The following RTL4 variants were observed in gnomAD, a reference collection of about 807,000 sequenced individuals.
The protein encoded by RTL4 is retrotransposon Gag-like protein 4.
Under a neutral mutation model 5.3 loss-of-function variants are expected in RTL4, and 4 were observed. The observed-to-expected ratio is 0.75, with a 90% CI of 0.37 to 1.72. The LOEUF (loss-of-function observed/expected upper bound fraction) is 1.72, where lower values mean the gene tolerates loss of function less well. RTL4 is among the 40% of genes most tolerant of loss of function. The pLI is 0.04. For synonymous variants in RTL4, 98 were observed against 87.3 expected (o/e 1.12, Z -0.68); for missense variants, 260 against 227.1 (o/e 1.14, Z -0.93).
chrX:112,416,298 AAC>A, the RTL4 span, among the ~76,000 whole-genome samples: 1 of 112,115 alleles, frequency 8.9e-6, no homozygotes, highest in Non-Finnish European at 1.9e-5. Context: ...AGTTTACATT[AAC>A]AGTTACCAGG....
chrX:112,251,385 C>T, the RTL4 span, among the ~76,000 whole-genome samples: 1 of 111,421 alleles, frequency 9.0e-6, no homozygotes, highest in East Asian at 2.8e-4. Context: ...TCATCCTTTC[C>T]TCAGTGGTCA....
the RTL4 span, among the ~76,000 whole-genome samples, chrX:112,242,290 A>G: frequency 9.0e-6 from 1 of 111,676 alleles, no homozygotes. Context: ...CTTGGGCAGT[A>G]TGGCCATTTT....
the RTL4 span, among the ~76,000 whole-genome samples, chrX:112,106,673 A>C: frequency 1.8e-5 from 2 of 111,086 alleles, no homozygotes; most frequent in African/African-American, 6.5e-5. Context: ...CTCTGCATCC[A>C]TTTGTTATTT....
the RTL4 span, among the ~76,000 whole-genome samples, chrX:112,231,321 C>A: frequency 9.1e-6 from 1 of 109,910 alleles, no homozygotes; most frequent in African/African-American, 3.3e-5. Context: ...TGGAACCAAC[C>A]CAAATGTCCA....
At chrX:112,085,302 G>A in the RTL4 span, among the ~76,000 whole-genome samples, 88 of 112,610 alleles carry the variant, frequency 7.8e-4, no homozygotes, top group Middle Eastern at 0.023. Flanking sequence ...TTCTAGACTA[G>A]GTTTACTTAC....
At chrX:112,432,760 C>G in the RTL4 span, among the ~76,000 whole-genome samples, 4 of 107,120 alleles carry the variant, frequency 3.7e-5, no homozygotes, top group East Asian at 1.2e-3. Flanking sequence ...TCAATTTTGT[C>G]TTTTGTTGCC....
chrX:112,149,368 G>C, the RTL4 span, among the ~76,000 whole-genome samples: 2 of 111,787 alleles, frequency 1.8e-5, no homozygotes, highest in African/African-American at 6.5e-5. Context: ...AGAGGTGATA[G>C]GAAGTATTAC....
chrX:112,153,981 C>G, the RTL4 span, among the ~76,000 whole-genome samples: 2 of 110,891 alleles, frequency 1.8e-5, no homozygotes, highest in African/African-American at 6.5e-5. Context: ...TGTTGATATA[C>G]TTGGTGGTGT....
chrX:112,209,320 G>C, the RTL4 span, among the ~76,000 whole-genome samples: 6 of 111,915 alleles, frequency 5.4e-5, no homozygotes, highest in Admixed American at 3.8e-4. Flanking sequence ...CCATGAATCA[G>C]TATATAATTG....
At chrX:112,211,926 G>C in the RTL4 span, among the ~76,000 whole-genome samples, 1 of 112,048 alleles carries the variant, frequency 8.9e-6, no homozygotes, top group East Asian at 2.8e-4. Flanking sequence ...AAACAGGGTT[G>C]GGTGATAGAG....
the RTL4 span, among the ~76,000 whole-genome samples, chrX:112,257,879 A>ATG: frequency 9.4e-6 from 1 of 106,010 alleles, no homozygotes; most frequent in Non-Finnish European, 1.9e-5. Flanking sequence ...CTGTGTATAT[A>ATG]TATATATGTG....
chrX:112,425,854 T>C, the RTL4 span, among the ~76,000 whole-genome samples: 1 of 111,741 alleles, frequency 8.9e-6, no homozygotes, highest in African/African-American at 3.2e-5. Flanking sequence ...CTGTGCCTTT[T>C]ATAAATATTT....
At chrX:112,102,608 T>C in the RTL4 span, among the ~76,000 whole-genome samples, 2 of 110,875 alleles carry the variant, frequency 1.8e-5, no homozygotes, top group African/African-American at 3.3e-5. Context: ...TCTGGGAAAA[T>C]CATATCCAAC....
the RTL4 span, among the ~76,000 whole-genome samples, chrX:112,173,559 C>T: frequency 3.6e-5 from 4 of 111,090 alleles, no homozygotes; most frequent in Non-Finnish European, 7.5e-5. Context: ...CTTGAGAGAG[C>T]TTAAAGGGAT....
chrX:112,378,310 G>A, the RTL4 span, among the ~76,000 whole-genome samples: 1 of 111,525 alleles, frequency 9.0e-6, no homozygotes, highest in Non-Finnish European at 1.9e-5. Flanking sequence ...TGTACTTCTG[G>A]TGTACAATAG....
At chrX:112,229,108 TC>T in the RTL4 span, among the ~76,000 whole-genome samples, 2 of 112,084 alleles carry the variant, frequency 1.8e-5, no homozygotes, top group Non-Finnish European at 3.8e-5. Flanking sequence ...AATTACCTTT[TC>T]TACTCCTATC....
At chrX:112,141,357 A>C in the RTL4 span, among the ~76,000 whole-genome samples, 1 of 111,733 alleles carries the variant, frequency 8.9e-6, no homozygotes, top group African/African-American at 3.3e-5. Flanking sequence ...CATGTTATCC[A>C]CAAATAAAAG....
the RTL4 span, among the ~76,000 whole-genome samples, chrX:112,204,943 C>T: frequency 1.8e-5 from 2 of 111,158 alleles, no homozygotes; most frequent in Admixed American, 9.6e-5. Context: ...CACATATGTA[C>T]GCACAACTTA....
At chrX:112,406,538 C>T in the RTL4 span, among the ~76,000 whole-genome samples, 1 of 111,236 alleles carries the variant, frequency 9.0e-6, no homozygotes, top group Non-Finnish European at 1.9e-5. Context: ...CCCTATAATC[C>T]AGTCACCTCC....
Sources: gnomAD v4.1 joint callset for allele counts (sites outside exome capture counted in the v4.1 genomes callset) on GRCh38, gnomAD v4.1.1 for gene constraint, MANE v1.5 for transcripts, NCBI Gene and HGNC (gene_info 2026-07-23, HGNC 2026-07-21) for gene names.